Variants in PRKG2 observed in about 807,000 individuals in gnomAD.
The protein encoded by PRKG2 is cGMP-dependent protein kinase 2.
A neutral mutation model predicts 97.2 loss-of-function variants in PRKG2; 33 were observed. That is an observed-to-expected ratio of 0.34 (90% CI 0.26 to 0.45). PRKG2 has a LOEUF of 0.45. PRKG2 is among the 20% of genes least tolerant of loss of function. PRKG2 has a pLI of 1.00. For synonymous variants in PRKG2, 330 were observed against 321.8 expected (o/e 1.03, Z -0.27); for missense variants, 638 against 900.0 (o/e 0.71, Z 3.73).
At chr4:81,194,551 G>A (rs775936904) in intron 2 of PRKG2, among the ~76,000 whole-genome samples, 9 of 152,112 alleles carry the variant, frequency 5.9e-5, no homozygotes, top group South Asian at 4.1e-4. Flanking sequence ...AAATACAGTT[G>A]TAATTTAATT....
At chr4:81,111,031 C>T (rs1256755877) in intron 14 of PRKG2, among the ~76,000 whole-genome samples, 1 of 151,896 alleles carries the variant, frequency 6.6e-6, no homozygotes, top group African/African-American at 2.4e-5. Flanking sequence ...TGATGGACAC[C>T]TGAGCAAGTA....
chr4:81,101,957 A>G (rs1280783426), intron 17 of PRKG2, among the ~76,000 whole-genome samples: 6 of 152,164 alleles, frequency 3.9e-5, no homozygotes, highest in Non-Finnish European at 8.8e-5. Context: ...GGAGAGAAAG[A>G]TCAAGTTTTC....
chr4:81,156,144 A>G (rs559770894), intron 6 of PRKG2, among the ~76,000 whole-genome samples: 4 of 152,356 alleles, frequency 2.6e-5, no homozygotes, highest in African/African-American at 7.2e-5. Context: ...CAAATTGGAT[A>G]AAGAGTCAAG....
intron 14 of PRKG2, among the ~76,000 whole-genome samples, chr4:81,113,365 C>T (rs1279489943): frequency 1.4e-5 from 2 of 145,476 alleles, no homozygotes; most frequent in African/African-American, 5.4e-5. Context: ...AGAAGAGCAC[C>T]CCCCCTTTTT....
At chr4:81,187,305 G>T (rs760611401) in intron 2 of PRKG2, among the ~76,000 whole-genome samples, 6 of 152,176 alleles carry the variant, frequency 3.9e-5, no homozygotes, top group Non-Finnish European at 5.9e-5. Context: ...TCCTTGGGAT[G>T]CAAGGCTGGT....
At chr4:81,210,822 C>T (rs182799105) in intron 1 of PRKG2, among the ~76,000 whole-genome samples, 14 of 152,118 alleles carry the variant, frequency 9.2e-5, no homozygotes, top group Middle Eastern at 3.4e-3. Context: ...AGTAGGTAAA[C>T]GGATAAACAA....
chr4:81,131,704 C>T (rs1359440345), intron 14 of PRKG2, among the ~76,000 whole-genome samples: 1 of 152,130 alleles, frequency 6.6e-6, no homozygotes, highest in African/African-American at 2.4e-5. Context: ...TTTTTTTCCA[C>T]ATATGGATAT....
chr4:81,139,781 C>CAAAAAA (rs548249378), intron 12 of PRKG2, among the ~76,000 whole-genome samples: 3 of 75,326 alleles, frequency 4.0e-5, no homozygotes, highest in East Asian at 3.2e-4. Flanking sequence ...TCTCAAAAGA[C>CAAAAAA]AAAAAAAAAA....
intron 6 of PRKG2, among the ~76,000 whole-genome samples, chr4:81,160,017 A>T (rs1318725437): frequency 1.3e-5 from 2 of 151,436 alleles, no homozygotes; most frequent in East Asian, 3.9e-4. Flanking sequence ...CTAGATGACG[A>T]ATTAGTGGGT....
At chr4:81,210,235 T>A (rs1390723203) in intron 1 of PRKG2, among the ~76,000 whole-genome samples, 1 of 151,282 alleles carries the variant, frequency 6.6e-6, no homozygotes, top group African/African-American at 2.4e-5. Context: ...TTGACAATTT[T>A]GACTTGATTA....
At position 81,110,515 on chromosome 4, in the gene PRKG2, T is replaced by G. The variant is rs1442402207; in HGVS notation, c.1873A>C (p.Lys625Gln). 1 of 1,612,198 alleles carries G rather than the reference T, an allele frequency of 6.2e-7. No homozygotes were observed. The highest frequency in any genetic ancestry group is 1.1e-5 in the South Asian group (1 of 91,014). The change falls in exon 15 of 19, where the codon AAG (lysine) becomes CAG (glutamine). Residue 625 changes from lysine (K) to glutamine (Q), a missense_variant. Physicochemically the swap from Lys to Gln is moderately conservative, Grantham distance 53. Around this residue, in one of 3 missense-constraint regions of PRKG2, gnomAD observed 304 missense variants for 460.5 expected, o/e 0.66. Transcript: ENST00000264399. Reference protein sequence around the residue: ...EYVAPEVILNKGHDFSVDFWS... With the variant: ...EYVAPEVILNQGHDFSVDFWS... ...AAATCCACACTGAAGTCATGTCCCT[T>G]GTTGAGAATGACTTCAGGAGCTACA...
intron 15 of PRKG2, among the ~76,000 whole-genome samples, chr4:81,109,112 A>G (rs1259123404): frequency 6.6e-6 from 1 of 152,198 alleles, no homozygotes; most frequent in East Asian, 1.9e-4. Context: ...GAATGACTGA[A>G]TATTTTCTCT....
chr4:81,092,302 C>CAT, intron 18 of PRKG2, 84 bp downstream of exon 18: 1 of 787,914 alleles, frequency 1.3e-6, no homozygotes, highest in Admixed American at 2.8e-5. Flanking sequence ...CTGTTATGGG[C>CAT]ATATACATAC....
chr4:81,190,863 CA>C (rs778917575), intron 2 of PRKG2, among the ~76,000 whole-genome samples: 5 of 152,060 alleles, frequency 3.3e-5, no homozygotes, highest in Non-Finnish European at 7.4e-5. Context: ...TAGAAAAATG[CA>C]AATCAAAACC....
At chr4:81,136,966 T>C (rs1034479152) in intron 13 of PRKG2, among the ~76,000 whole-genome samples, 2 of 152,180 alleles carry the variant, frequency 1.3e-5, no homozygotes, top group Non-Finnish European at 2.9e-5. Flanking sequence ...ATGATTTTAA[T>C]TGTGCAAAAA....
intron 5 of PRKG2, among the ~76,000 whole-genome samples, chr4:81,168,114 TAA>T (rs929114988): frequency 1.3e-5 from 2 of 151,976 alleles, no homozygotes; most frequent in African/African-American, 4.8e-5. Flanking sequence ...GATGAAATGG[TAA>T]AAGAGTCATC....
chr4:81,181,421 T>C (rs1257552172), intron 2 of PRKG2, among the ~76,000 whole-genome samples: 1 of 151,480 alleles, frequency 6.6e-6, no homozygotes, highest in Non-Finnish European at 1.5e-5. Context: ...TCAAATTATA[T>C]AATAAAATAA....
At chr4:81,124,618 A>G (rs1745378517) in intron 14 of PRKG2, among the ~76,000 whole-genome samples, 1 of 152,118 alleles carries the variant, frequency 6.6e-6, no homozygotes, top group African/African-American at 2.4e-5. Context: ...GAATTAAGGC[A>G]CCCAACTAAC....
At chr4:81,170,658 A>G (rs1750389837) in intron 4 of PRKG2, among the ~76,000 whole-genome samples, 1 of 152,162 alleles carries the variant, frequency 6.6e-6, no homozygotes, top group Admixed American at 6.6e-5. Flanking sequence ...ACTGAAAAAC[A>G]TCATATCTAT....
Sources: gnomAD v4.1 joint callset for allele counts (sites outside exome capture counted in the v4.1 genomes callset) on GRCh38, gnomAD v4.1.1 for gene constraint, gnomAD v4.1.1 regional missense constraint, MANE v1.5 for transcripts, NCBI Gene and HGNC (gene_info 2026-07-23, HGNC 2026-07-21) for gene names.